The following STMN4 variants were observed in gnomAD, a reference collection of about 807,000 sequenced individuals.
The protein encoded by STMN4 is stathmin 4.
Under a neutral mutation model 29.1 loss-of-function variants are expected in STMN4, and 12 were observed. That is an observed-to-expected ratio of 0.41 (90% CI 0.26 to 0.67). The LOEUF (loss-of-function observed/expected upper bound fraction) is 0.67. STMN4 is among the 30% of genes least tolerant of loss of function. STMN4 has a pLI of 0.30. For synonymous variants in STMN4, 114 were observed against 105.3 expected (o/e 1.08, Z -0.51); for missense variants, 181 against 262.8 (o/e 0.69, Z 2.15).
intron 3 of STMN4, 110 bp from the exon 4 acceptor site, chr8:27,241,867 C>A: frequency 7.7e-7 from 1 of 1,295,562 alleles, no homozygotes; most frequent in Non-Finnish European, 1.1e-6. Context: ...TGACCTGGTC[C>A]CCGAGCACCC....
intron 1 of STMN4, among the ~76,000 whole-genome samples, chr8:27,250,768 G>A (rs904200427): frequency 3.9e-5 from 6 of 152,206 alleles, no homozygotes; most frequent in Non-Finnish European, 8.8e-5. Flanking sequence ...AACAGGCTTA[G>A]GCTTCTAGGA....
chr8:27,253,814 G>A (rs943770021), intron 1 of STMN4, among the ~76,000 whole-genome samples: 1 of 149,124 alleles, frequency 6.7e-6, no homozygotes, highest in Admixed American at 6.7e-5. Context: ...ACGGAGTCTT[G>A]CTCTGTCACC....
chr8:27,238,247 G>A (rs973468757), intron 6 of STMN4, among the ~76,000 whole-genome samples: 5 of 152,150 alleles, frequency 3.3e-5, no homozygotes, highest in African/African-American at 1.2e-4. Flanking sequence ...GGTACACAGG[G>A]TCAGTGACCC....
chr8:27,255,726 C>T (rs1036930210), intron 1 of STMN4, among the ~76,000 whole-genome samples: 18 of 151,652 alleles, frequency 1.2e-4, no homozygotes, highest in African/African-American at 4.3e-4. Flanking sequence ...AGCCCACATC[C>T]CCCTACAGGA....
intron 1 of STMN4, among the ~76,000 whole-genome samples, chr8:27,249,402 A>T (rs1053379807): frequency 1.3e-5 from 2 of 152,216 alleles, no homozygotes; most frequent in African/African-American, 4.8e-5. Context: ...ACAGGCATTT[A>T]GTGGGCAGAG....
In STMN4 at chr8:27,241,192, C is replaced by G; in HGVS notation, c.261G>C (p.Ser87=). ...MEVIELNKCT[S]GQSFEVILKP... is the part of the protein sequence containing the mutation. ...TCAGGATGACTTCAAAGGATTGGCC[C>G]GAGGTGCATTTGTTCAGCTCGATGA... The change falls in exon 5 of 7, where the codon TCG becomes TCC. Residue 87 remains serine, a synonymous_variant. Coordinates refer to ENST00000350889, the MANE Select transcript of STMN4 (RefSeq NM_030795.4). 2 of 1,614,218 alleles carry G rather than the reference C, an allele frequency of 1.2e-6. No homozygotes were observed. The highest frequency in any genetic ancestry group is 1.7e-6 in the Non-Finnish European group (2 of 1,180,052).
In STMN4 at chr8:27,236,204, G is replaced by T. The variant is rs1308601587; in HGVS notation, c.*642C>A. On this transcript the variant is annotated 3_prime_UTR_variant, in exon 7 of 7. Transcript: ENST00000350889. ...TGAATGGCAGAATTAAGGAAGCAAA[G>T]GGGCATCTGCCATCAGATGGATGAA... is the stretch of plus-strand genomic sequence containing the variant. The T allele has an allele frequency of 6.6e-6, 1 of 152,310 alleles. No individual in the cohort carries two copies. The highest frequency in any genetic ancestry group is 2.1e-4 in the South Asian group (1 of 4,830). The allele number at this position is 152,310 out of a possible 1,614,324, so 9.4% of individuals were successfully genotyped here.
At chr8:27,242,307 T>C in intron 3 of STMN4, 90 bp downstream of exon 3, 1 of 1,259,616 alleles carries the variant, frequency 7.9e-7, no homozygotes, top group Non-Finnish European at 1.1e-6. Context: ...GGAGGAGAGA[T>C]TCACGGGACT....
At chr8:27,239,263 C>T in intron 6 of STMN4, 1 of 1,535,648 alleles carries the variant, frequency 6.5e-7, no homozygotes, top group Admixed American at 2.0e-5. Flanking sequence ...CGGGAGTCAC[C>T]GCGCAGCAGG....
chr8:27,249,754 G>A (rs1007080827), intron 1 of STMN4, among the ~76,000 whole-genome samples: 1 of 152,172 alleles, frequency 6.6e-6, no homozygotes, highest in Admixed American at 6.5e-5. Context: ...TGTCCAGGGG[G>A]CAAACAGAAA....
At chr8:27,243,669 G>C in intron 2 of STMN4, 42 bp downstream of exon 2, 1 of 1,595,854 alleles carries the variant, frequency 6.3e-7, no homozygotes, top group Non-Finnish European at 8.6e-7. Context: ...TGAGGGCAGG[G>C]GGAATAGCCT....
rs1801477488 is a variant in STMN4, at chr8:27,241,670, C to T, written c.190+7G>A. On this transcript the variant is annotated splice_region_variant and intron_variant, in intron 4 of 6. Transcript: ENST00000350889. ...CCTGCGGAATCCCTCCGCTGCCTCCCTCCTACCCTGAGCTCTTCTTTCTCT... is the reference window on the plus strand; with the variant it reads ...CCTGCGGAATCCCTCCGCTGCCTCCTTCCTACCCTGAGCTCTTCTTTCTCT... 1 of 1,614,084 alleles carries T rather than the reference C, an allele frequency of 6.2e-7. No homozygotes were observed. Among genetic ancestry groups the T allele is most frequent in the Non-Finnish European group, 8.5e-7 (1 of 1,180,030 alleles).
At chr8:27,258,297 G>GT (rs1252401506) in intron 1 of STMN4, 54 bp downstream of exon 1, 1 of 152,252 alleles carries the variant, frequency 6.6e-6, no homozygotes, top group East Asian at 1.9e-4. Context: ...CTGCTGTCTT[G>GT]TTTTTTCTTT....
intron 6 of STMN4, 171 bp downstream of exon 6, chr8:27,239,800 G>C: frequency 6.5e-7 from 1 of 1,537,122 alleles, no homozygotes; most frequent in Admixed American, 2.0e-5. Context: ...TCTTGCCTCT[G>C]ACTTCCCTGA....
intron 1 of STMN4, among the ~76,000 whole-genome samples, chr8:27,257,517 T>A (rs531154148): frequency 1.9e-4 from 28 of 148,376 alleles, no homozygotes; most frequent in Non-Finnish European, 3.4e-4. Context: ...TCTGGAGACC[T>A]GCTCATGTTC....
intron 3 of STMN4, chr8:27,242,106 T>C (rs1586007611): frequency 1.8e-6 from 1 of 563,820 alleles, no homozygotes; most frequent in East Asian, 2.9e-5. Context: ...TCTGTCTGGC[T>C]CACCTTTGCA....
chr8:27,244,227 G>A (rs887759485), intron 1 of STMN4, among the ~76,000 whole-genome samples: 1 of 152,180 alleles, frequency 6.6e-6, no homozygotes, highest in Non-Finnish European at 1.5e-5. Flanking sequence ...CCCCGCACAT[G>A]CCCCAGAAGT....
chr8:27,255,593 T>G (rs568034277), intron 1 of STMN4, among the ~76,000 whole-genome samples: 1 of 152,236 alleles, frequency 6.6e-6, no homozygotes, highest in Non-Finnish European at 1.5e-5. Context: ...TTCTCCTCCT[T>G]TCTTTATCTC....
At chr8:27,244,955 C>A (rs531155628) in intron 1 of STMN4, among the ~76,000 whole-genome samples, 4 of 152,282 alleles carry the variant, frequency 2.6e-5, no homozygotes, top group African/African-American at 9.6e-5. Flanking sequence ...AGCCAGCAGG[C>A]TCACTGCCTA....
Sources: allele counts gnomAD v4.1 joint callset (sites outside exome capture counted in the v4.1 genomes callset), GRCh38; gene constraint gnomAD v4.1.1; transcripts MANE v1.5; gene names NCBI Gene and HGNC (gene_info 2026-07-23, HGNC 2026-07-21).